KIFC2: variants seen among roughly 807,000 people sequenced by gnomAD.
The protein encoded by KIFC2 is kinesin-like protein KIFC2.
In KIFC2, 94 loss-of-function variants were observed where a neutral mutation model predicts 91.5. The ratio of observed to expected loss-of-function variants is 1.03; its 90% CI spans 0.87 to 1.22. The LOEUF (loss-of-function observed/expected upper bound fraction) is 1.22, where lower values mean the gene tolerates loss of function less well. KIFC2 is among the 50% of genes most tolerant of loss of function. The pLI, the probability that KIFC2 is intolerant of heterozygous loss-of-function variation, is 0.00. For missense variants in KIFC2, 1,357 were observed against 1,103.3 expected (o/e 1.23, Z -3.26); for synonymous variants, 729 against 503.9 (o/e 1.45, Z -5.98).
chr8:144,470,259 A>G (rs923272015), intron 12 of KIFC2, among the ~76,000 whole-genome samples: 7 of 152,140 alleles, frequency 4.6e-5, no homozygotes, highest in African/African-American at 1.7e-4. Flanking sequence ...GGCCAGGGTC[A>G]CCCTGATTGC....
Position 144,474,006 on chromosome 8 carries a change from A to T in KIFC2, c.*617A>T, listed in dbSNP as rs554640776. ...ATTCCAGGCTCAGCCCTGCTCCTGC[A>T]GCTTTGCCGCTGAGTGTAGGAAAAA... is the stretch of plus-strand genomic sequence containing the variant. On this transcript the variant is annotated 3_prime_UTR_variant, in exon 18 of 18. Coordinates refer to ENST00000645548, the MANE Select transcript of KIFC2 (RefSeq NM_001369769.2). 1 of 568,596 alleles carries T rather than the reference A, an allele frequency of 1.8e-6. No individual in the cohort carries two copies. Among genetic ancestry groups the T allele is most frequent in the East Asian group, 2.9e-5 (1 of 35,018 alleles). 35.2% of individuals were successfully genotyped at this position (568,596 alleles called of 1,614,324 possible).
chr8:144,471,820 C>T (rs1350302462), intron 12 of KIFC2, 122 bp from the exon 13 acceptor site: 3 of 813,236 alleles, frequency 3.7e-6, no homozygotes, highest in Admixed American at 4.0e-5. Flanking sequence ...TCCCTTAGAG[C>T]CATCCTCCCA....
Position 144,472,858 on chromosome 8 carries a change from C to T in KIFC2, c.1925C>T (p.Pro642Leu), listed in dbSNP as rs750056500. 23 of 1,543,970 alleles carry T rather than the reference C, an allele frequency of 1.5e-5. No individual in the cohort carries two copies. The Admixed American group carries it at 2.6e-4, about 17-fold the overall frequency. ...ERARKAGAAG[P>L]PRGDPDGARR... ...GCACGGAAGGCAGGGGCGGCCGGCC[C>T]GCCGCGGGGAGACCCAGACGGCGCC... The change falls in exon 17 of 18, where the codon CCG becomes CTG. Residue 642 changes from proline (P) to leucine (L), a missense_variant. By Grantham distance (98) the Pro-to-Leu change is moderately conservative (BLOSUM62 -3). Transcript: ENST00000645548.
In KIFC2 at chr8:144,467,953, A is replaced by G. The variant is rs556184572; in HGVS notation, c.776A>G (p.His259Arg). 2.5e-6 allele frequency: 4 copies of G among 1,594,716 alleles called. No individual in the cohort carries two copies. The highest frequency in any genetic ancestry group is 3.4e-6 in the Non-Finnish European group (4 of 1,174,008). ...SLSLMRDLLL[H>R]WGPGPPIRAP... ...AGTCTCATGCGGGACCTCCTGCTGCACTGGGGCCCCGGGCCCCCCATCAGG... is the reference window on the plus strand; with the variant it reads ...AGTCTCATGCGGGACCTCCTGCTGCGCTGGGGCCCCGGGCCCCCCATCAGG... Residue 259 changes from histidine to arginine, a missense_variant, in exon 7 of 18, where the codon CAC (histidine) becomes CGC (arginine). His to Arg is a conservative substitution (Grantham distance 29, BLOSUM62 0). Coordinates refer to ENST00000645548, the MANE Select transcript of KIFC2 (RefSeq NM_001369769.2).
Position 144,468,689 on chromosome 8 carries a change from G to C in KIFC2, c.1004-36G>C, listed in dbSNP as rs776423769. On this transcript the variant is annotated intron_variant, in intron 9 of 17. Transcript: ENST00000645548. Reference sequence around the variant, plus strand: ...TTGGGGCTCATGGGAGGCCCTGGAGGCTGGGCCTTCCCTTCCAACAGACTT... The same window carrying C: ...TTGGGGCTCATGGGAGGCCCTGGAGCCTGGGCCTTCCCTTCCAACAGACTT... The C allele has an allele frequency of 3.1e-6, 5 of 1,612,250 alleles. No homozygotes were observed. The Admixed American group carries it at 6.7e-5, about 22-fold the overall frequency.
rs1366458795 is a variant in KIFC2 at position 144,468,002 on chromosome 8, A to C, written c.810+15A>C. ...GGGCTCCGCAGGTACTCTGCTCCCGAGCTGCAGCCGTTCCTGCAGCCTGGG... is the reference window on the plus strand; with the variant it reads ...GGGCTCCGCAGGTACTCTGCTCCCGCGCTGCAGCCGTTCCTGCAGCCTGGG... On this transcript the variant is annotated intron_variant, in intron 7 of 17. Transcript: ENST00000645548. 4.6e-6 allele frequency: 7 copies of C among 1,525,956 alleles called. No homozygotes were observed. Among genetic ancestry groups the C allele is most frequent in the Middle Eastern group, 3.7e-4 (2 of 5,362 alleles). The allele number at this position is 1,525,956 out of a possible 1,614,324, so 94.5% of individuals were successfully genotyped here.
chr8:144,468,855 AG>A, intron 10 of KIFC2, 21 bp downstream of exon 10: 1 of 1,589,482 alleles, frequency 6.3e-7, no homozygotes, highest in Non-Finnish European at 8.6e-7. Context: ...CTCCCCGCCT[AG>A]CCCCTCCTCT....
chr8:144,466,346 G>A lies in KIFC2; in HGVS notation c.-74G>A. ...CGCGAGCATGCGCACCGGCACTGCG[G>A]CGGGCGGGCGCCGAGTCTGGGCGCG... is the stretch of plus-strand genomic sequence containing the variant. On this transcript the variant is annotated 5_prime_UTR_variant, in exon 1 of 18. Transcript: ENST00000645548. 2.0e-6 allele frequency: 1 copy of A among 509,596 alleles called. No individual in the cohort carries two copies. The highest frequency in any genetic ancestry group is 2.8e-6 in the Non-Finnish European group (1 of 362,172). The allele number at this position is 509,596 out of a possible 1,614,324, so 31.6% of individuals were successfully genotyped here.
In KIFC2 at chr8:144,467,899, T is replaced by C. The variant is rs1824749875; in HGVS notation, c.722T>C (p.Leu241Pro). The C allele has an allele frequency of 4.3e-6, 7 of 1,612,992 alleles. No homozygotes were observed. The highest frequency in any genetic ancestry group is 5.9e-6 in the Non-Finnish European group (7 of 1,179,658). ...DSEKRVQHLT[L>P]ENEALKQSLS... Reference sequence around the variant, plus strand: ...GAGAAAAGGGTTCAGCATCTGACTCTGGAGAACGAGGCCCTGAAGCAGAGC... The same window carrying C: ...GAGAAAAGGGTTCAGCATCTGACTCCGGAGAACGAGGCCCTGAAGCAGAGC... Residue 241 changes from leucine to proline, a missense_variant, in exon 7 of 18, where the codon CTG (leucine) becomes CCG (proline). Leu to Pro is a moderately conservative substitution (Grantham distance 98, BLOSUM62 -3). Coordinates refer to ENST00000645548, the MANE Select transcript of KIFC2 (RefSeq NM_001369769.2).
rs61740364 is a variant in KIFC2, at chr8:144,467,208, C to G, written c.336C>G (p.Gly112=). 2 of 1,613,488 alleles carry G rather than the reference C, an allele frequency of 1.2e-6. No individual in the cohort carries two copies. The highest frequency in any genetic ancestry group is 1.7e-6 in the Non-Finnish European group (2 of 1,180,036). ...GATTCTTGTCTCCTTCGCAGTCTGG[C>G]GAGGTCCCCTCACTGTTGACAGTGA... ...CGGPADLGQS[G]EVPSLLTVTS... The change falls in exon 4 of 18, where the codon GGC becomes GGG. Residue 112 remains glycine, a synonymous_variant. Coordinates refer to ENST00000645548, the MANE Select transcript of KIFC2 (RefSeq NM_001369769.2).
At chr8:144,469,020 C>T (rs554851561) in intron 10 of KIFC2, among the ~76,000 whole-genome samples, 186 bp downstream of exon 10, 1 of 152,180 alleles carries the variant, frequency 6.6e-6, no homozygotes, top group African/African-American at 2.4e-5. Flanking sequence ...ACTTGGTTGA[C>T]AGTAAACTCT....
intron 1 of KIFC2, 25 bp downstream of exon 1, chr8:144,466,543 C>A: frequency 8.8e-7 from 1 of 1,140,472 alleles, no homozygotes; most frequent in Non-Finnish European, 1.1e-6. Context: ...CCGTGCAGCC[C>A]GTCGTCTCCC....
At chr8:144,471,114 C>T (rs1394781724) in intron 12 of KIFC2, among the ~76,000 whole-genome samples, 1 of 151,072 alleles carries the variant, frequency 6.6e-6, no homozygotes, top group Non-Finnish European at 1.5e-5. Flanking sequence ...CAGGTGCGTG[C>T]CACCATGCTC....
chr8:144,473,134 C>A lies in KIFC2; in HGVS notation c.2121C>A (p.Ile707=), dbSNP rs1254650115. The A allele has an allele frequency of 6.4e-7, 1 of 1,551,534 alleles. No individual in the cohort carries two copies. The highest frequency in any genetic ancestry group is 8.7e-7 in the Non-Finnish European group (1 of 1,147,322). Residue 707 remains isoleucine (I), a splice_region_variant and synonymous_variant, in exon 18 of 18, where the codon ATC becomes ATA. Transcript: ENST00000645548. ...PGTTAVLLLQ[I]STRPEDLGET... Reference sequence around the variant, plus strand: ...CCACCCGCGCCTCTTGCCCGCAGATCTCCACGCGGCCGGAGGATCTCGGGG... The same window carrying A: ...CCACCCGCGCCTCTTGCCCGCAGATATCCACGCGGCCGGAGGATCTCGGGG...
At chr8:144,469,859 C>T (rs1478602244) in intron 12 of KIFC2, among the ~76,000 whole-genome samples, 1 of 152,236 alleles carries the variant, frequency 6.6e-6, no homozygotes, top group African/African-American at 2.4e-5. Flanking sequence ...CACTGCCTGC[C>T]CACTCCCCTT....
chr8:144,470,411 C>G (rs1269396176), intron 12 of KIFC2, among the ~76,000 whole-genome samples: 1 of 152,268 alleles, frequency 6.6e-6, no homozygotes, highest in African/African-American at 2.4e-5. Flanking sequence ...GTCAATGTGT[C>G]TGAACCAAAG....
At chr8:144,471,853 C>A in intron 12 of KIFC2, 89 bp from the exon 13 acceptor site, 1 of 1,158,846 alleles carries the variant, frequency 8.6e-7, no homozygotes, top group South Asian at 1.3e-5. Context: ...CTGCTCACAC[C>A]TGCCTTCGTG....
chr8:144,471,086 C>T (rs1466287833), intron 12 of KIFC2, among the ~76,000 whole-genome samples: 1 of 152,072 alleles, frequency 6.6e-6, no homozygotes, highest in Non-Finnish European at 1.5e-5. Context: ...GCTTCAGCCT[C>T]CGAAGTAGCT....
intron 8 of KIFC2, 44 bp from the exon 9 acceptor site, chr8:144,468,492 A>G (rs755946409): frequency 2.6e-6 from 3 of 1,137,242 alleles, no homozygotes; most frequent in Non-Finnish European, 3.4e-6. Context: ...GGGCCTGGTA[A>G]GTGCCTGTTT....
Sources: allele counts gnomAD v4.1 joint callset (sites outside exome capture counted in the v4.1 genomes callset), GRCh38; gene constraint gnomAD v4.1.1; transcripts MANE v1.5; gene names NCBI Gene and HGNC (gene_info 2026-07-23, HGNC 2026-07-21).